The following BPIFC variants were observed in gnomAD, a reference collection of about 807,000 sequenced individuals.
The protein encoded by BPIFC is BPI fold containing family C.
BPIFC carries 60 observed loss-of-function variants against 57.6 expected under a neutral mutation model. The ratio of observed to expected loss-of-function variants is 1.04; its 90% confidence interval spans 0.85 to 1.29. The LOEUF is 1.29. BPIFC is among the 50% of genes most tolerant of loss of function. BPIFC has a pLI of 0.00. For synonymous variants in BPIFC, 243 were observed against 224.5 expected (o/e 1.08, Z -0.74); for missense variants, 581 against 600.5 (o/e 0.97, Z 0.34).
Position 32,447,384 on chromosome 22 carries a change from A to C in BPIFC, c.246-44T>G, listed in dbSNP as rs766376539. The C allele has an allele frequency of 3.7e-5, 59 of 1,589,808 alleles. No homozygotes were observed. The South Asian group carries it at 5.6e-4, about 15-fold the overall frequency. On this transcript the variant is annotated intron_variant, in intron 4 of 16. Coordinates refer to ENST00000300399, the MANE Select transcript of BPIFC (RefSeq NM_174932.3). ...GAAGTTAGGGCGACTCTTCCAGCAC[A>C]TCTCTTCAGTCAAGCAAACTTGGGA... is the stretch of plus-strand genomic sequence containing the variant.
Position 32,442,677 on chromosome 22 carries a change from G to A in BPIFC, c.649C>T (p.Leu217=). The change falls in exon 8 of 17, where the codon CTG becomes TTG. Residue 217 remains leucine (L), a synonymous_variant. Transcript: ENST00000300399. ...AGACAGTTCTAAGACTCACCCTCCA[G>A]TGTGCTGAGGTTGGCATTTAGCGCT... ...VKALNANLST[L]EVLTKIDNYT... is the part of the protein sequence containing the mutation. The A allele has an allele frequency of 6.2e-7, 1 of 1,613,422 alleles. No individual in the cohort carries two copies. The highest frequency in any genetic ancestry group is 8.5e-7 in the Non-Finnish European group (1 of 1,179,412).
intron 13 of BPIFC, among the ~76,000 whole-genome samples, chr22:32,430,735 G>A (rs2413117): frequency 0.27 from 40,260 of 151,668 alleles, 5,740 homozygotes; most frequent in African/African-American, 0.36. Context: ...CAAACTCCTG[G>A]GCTCAAGCAA....
chr22:32,450,537 A>T (rs1934867114), intron 4 of BPIFC, among the ~76,000 whole-genome samples: 1 of 152,190 alleles, frequency 6.6e-6, no homozygotes, highest in Non-Finnish European at 1.5e-5. Flanking sequence ...TACTTAAGCC[A>T]ATATATGTAA....
intron 2 of BPIFC, among the ~76,000 whole-genome samples, chr22:32,460,954 C>T (rs1173417837): frequency 1.3e-5 from 2 of 152,116 alleles, no homozygotes; most frequent in African/African-American, 2.4e-5. Context: ...AAGGAATATC[C>T]CTTACCTTAC....
Position 32,457,136 on chromosome 22 carries a change from G to T in BPIFC, c.124+127C>A, listed in dbSNP as rs1264419989. On this transcript the variant is annotated intron_variant, in intron 3 of 16. Coordinates refer to ENST00000300399, the MANE Select transcript of BPIFC (RefSeq NM_174932.3). Reference sequence around the variant, plus strand: ...GCCATCTTAGCAGTTTCTGCATAAGGTACTGGATCACCCCACAGTACGGCG... The same window carrying T: ...GCCATCTTAGCAGTTTCTGCATAAGTTACTGGATCACCCCACAGTACGGCG... 12 of 1,120,098 alleles carry T rather than the reference G, an allele frequency of 1.1e-5. No homozygotes were observed. In the East Asian group the frequency reaches 1.1e-4, roughly 10 times the overall value. 69.4% of individuals were successfully genotyped at this position (1,120,098 alleles called of 1,614,324 possible). A position where few individuals can be genotyped will look rare whatever the true frequency, so the allele number is the denominator to read the frequency against.
At position 32,445,566 on chromosome 22, in the gene BPIFC, T is replaced by A. The variant is rs1299090813; in HGVS notation, c.594+69A>T. On this transcript the variant is annotated intron_variant, in intron 7 of 16. Coordinates refer to ENST00000300399, the MANE Select transcript of BPIFC (RefSeq NM_174932.3). ...AAACAAACAAACAAACAAAAAAGAA[T>A]TAATTAAAGGATGATAGAACTTCTA... The A allele has an allele frequency of 6.4e-6, 9 of 1,410,080 alleles. No individual in the cohort carries two copies. The Admixed American group carries it at 1.6e-4, about 25-fold the overall frequency. The allele number at this position is 1,410,080 out of a possible 1,614,324, so 87.3% of individuals were successfully genotyped here. A position where few individuals can be genotyped will look rare whatever the true frequency, so the allele number is the denominator to read the frequency against.
chr22:32,432,239 T>C (rs1448199896), intron 12 of BPIFC, 134 bp downstream of exon 12: 2 of 977,714 alleles, frequency 2.0e-6, no homozygotes, highest in Non-Finnish European at 3.0e-6. Flanking sequence ...AGCCATCACG[T>C]CCAGCCTCCA....
chr22:32,435,843 G>A lies in BPIFC; in HGVS notation c.785C>T (p.Pro262Leu), dbSNP rs73884913. ...FYPLENLTDP[P>L]FSPVPFVLPE... is the part of the protein sequence containing the mutation. ...GAGCACAAAAGGAACTGGTGAGAAG[G>A]GGGGGTCGGTGAGGTTTTCCAGTGG... The change falls in exon 10 of 17, where the codon CCC becomes CTC. Residue 262 changes from proline (P) to leucine (L), a missense_variant. Transcript: ENST00000300399. 9,536 of 1,614,094 alleles carry A rather than the reference G, an allele frequency of 5.9e-3. 557 individuals are homozygous for A. In the African/African-American group the frequency reaches 0.11, roughly 19 times the overall value.
rs544445391 is a variant in BPIFC, at chr22:32,445,414, G to GT, written c.594+220dup. ...TAGCCGGGCATGGTGGCGGGCACCT[G>GT]TAGTCCCAGCTACTTGGGAGGCTGA... On this transcript the variant is annotated intron_variant, in intron 7 of 16. Coordinates refer to ENST00000300399, the MANE Select transcript of BPIFC (RefSeq NM_174932.3). Among the ~76,000 whole-genome samples the GT allele has an allele frequency of 1.3e-3, 205 of 152,210 alleles. 1 individual carries two copies. The highest frequency in any genetic ancestry group is 1.5e-3 in the Non-Finnish European group (104 of 68,020).
chr22:32,462,810 C>T (rs778364977), intron 1 of BPIFC, among the ~76,000 whole-genome samples: 1 of 152,144 alleles, frequency 6.6e-6, no homozygotes, highest in Non-Finnish European at 1.5e-5. Context: ...TTGCTTGACA[C>T]CATTTTCCTT....
chr22:32,422,123 C>T (rs117168729), intron 13 of BPIFC, among the ~76,000 whole-genome samples: 2,810 of 152,202 alleles, frequency 0.018, 33 homozygotes, highest in African/African-American at 0.034. Context: ...TTTTTATCCT[C>T]AGAGCAAGAA....
At chr22:32,462,207 G>GAAAAAAGAAAAAAAAA (rs1568964156) in intron 1 of BPIFC, among the ~76,000 whole-genome samples, 3 of 121,358 alleles carry the variant, frequency 2.5e-5, no homozygotes, top group Admixed American at 8.4e-5. Flanking sequence ...AGAAAAAAAA[G>GAAAAAAGAAAAAAAAA]AAAAAAAAAA....
At chr22:32,420,380 C>T (rs1933813000) in intron 13 of BPIFC, among the ~76,000 whole-genome samples, 1 of 151,514 alleles carries the variant, frequency 6.6e-6, no homozygotes, top group East Asian at 1.9e-4. Flanking sequence ...AGCCTTGTAA[C>T]TTCCCTGAGC....
At chr22:32,444,561 T>C (rs1279815470) in intron 7 of BPIFC, among the ~76,000 whole-genome samples, 2 of 152,144 alleles carry the variant, frequency 1.3e-5, no homozygotes, top group Non-Finnish European at 2.9e-5. Context: ...AGGGAAGGTG[T>C]GGTCATTATT....
At chr22:32,424,663 T>TTC in intron 13 of BPIFC, among the ~76,000 whole-genome samples, 1 of 67,422 alleles carries the variant, frequency 1.5e-5, no homozygotes, top group Non-Finnish European at 2.6e-5. Context: ...CTTCTTCTTC[T>TTC]TCTTCTTCTT....
In BPIFC at chr22:32,442,726, A is replaced by C. The variant is rs773810268; in HGVS notation, c.600T>G (p.Cys200Trp). Residue 200 changes from cysteine to tryptophan, a missense_variant, in exon 8 of 17, where the codon TGT (cysteine) becomes TGG (tryptophan). Cys to Trp is a radical substitution (Grantham distance 215, BLOSUM62 -2). Transcript: ENST00000300399. ...CTTTGACTTCACTTGCAATAATGGG[A>C]CAGAGCTGGCCACAAAGGAATAAAA... The part of the protein sequence containing the change: ...PILKNLNEML[C>W]PIIASEVKAL... 3.6e-5 allele frequency: 58 copies of C among 1,613,730 alleles called. No individual in the cohort carries two copies. Among genetic ancestry groups the C allele is most frequent in the Non-Finnish European group, 4.7e-5 (55 of 1,179,902 alleles).
intron 7 of BPIFC, 59 bp from the exon 8 acceptor site, chr22:32,442,790 A>G: frequency 1.3e-6 from 2 of 1,515,362 alleles, no homozygotes; most frequent in South Asian, 2.3e-5. Context: ...GGAAAGCCTT[A>G]TTGATGGGCC....
chr22:32,414,623 C>T (rs775404352), intron 16 of BPIFC, among the ~76,000 whole-genome samples, 198 bp from the exon 17 acceptor site: 39 of 152,090 alleles, frequency 2.6e-4, no homozygotes, highest in Non-Finnish European at 5.6e-4. Flanking sequence ...AAGTGATTCT[C>T]GTGCCTCAGT....
chr22:32,432,815 A>G (rs948368535), intron 11 of BPIFC, among the ~76,000 whole-genome samples: 3 of 152,204 alleles, frequency 2.0e-5, no homozygotes, highest in Admixed American at 2.0e-4. Context: ...AGATTCTATC[A>G]GCATCCCTGT....
Sources: gnomAD v4.1 joint callset for allele counts (sites outside exome capture counted in the v4.1 genomes callset) on GRCh38, gnomAD v4.1.1 for gene constraint, MANE v1.5 for transcripts, NCBI Gene and HGNC (gene_info 2026-07-23, HGNC 2026-07-21) for gene names.